ITSN2: variants seen among roughly 807,000 people sequenced by gnomAD.
The protein encoded by ITSN2 is intersectin-2.
ITSN2 carries 156 observed loss-of-function variants against 243.7 expected under a neutral mutation model. The ratio of observed to expected loss-of-function variants is 0.64; its 90% CI spans 0.56 to 0.73. The LOEUF (loss-of-function observed/expected upper bound fraction) is 0.73, where lower values mean the gene tolerates loss of function less well. Among genes scored for constraint, ITSN2 ranks in the 30% least tolerant of loss-of-function variants. The probability of loss-of-function intolerance (pLI) is 0.00; values close to 1 mark genes in which losing one functional copy is unlikely to be tolerated. For missense variants in ITSN2, 1,801 were observed against 1,996.1 expected (o/e 0.90, Z 1.86); for synonymous variants, 703 against 699.9 (o/e 1.00, Z -0.07).
In ITSN2 at chr2:24,249,037, A is replaced by C. The variant is rs1287544004; in HGVS notation, c.3121-155T>G. On this transcript the variant is annotated intron_variant, in intron 25 of 39. Transcript: ENST00000355123. This position sits in a 1 kb window ranked among gnomAD's most constrained non-coding sequence, Gnocchi z 4.4. ...AATGAACCTCATGCAGTATTAACAA[A>C]TAAGTGAAAAATCCAACACTTATGA... Among the ~76,000 whole-genome samples the C allele has an allele frequency of 6.6e-6, 1 of 152,230 alleles. No individual in the cohort carries two copies. Among genetic ancestry groups the C allele is most frequent in the African/African-American group, 2.4e-5 (1 of 41,470 alleles).
intron 36 of ITSN2, 122 bp downstream of exon 36, chr2:24,208,978 A>C: frequency 9.2e-7 from 1 of 1,089,626 alleles, no homozygotes; most frequent in Non-Finnish European, 1.3e-6. Flanking sequence ...GGATGTGTTA[A>C]GAGAGGTTCA....
chr2:24,287,242 T>C (rs888098457), intron 15 of ITSN2, among the ~76,000 whole-genome samples: 5 of 152,246 alleles, frequency 3.3e-5, no homozygotes, highest in Middle Eastern at 3.4e-3. Context: ...ACAGATCTAG[T>C]TCATTCTTTT....
chr2:24,219,909 G>C (rs1573896009), intron 30 of ITSN2, among the ~76,000 whole-genome samples: 1 of 152,358 alleles, frequency 6.6e-6, no homozygotes, highest in African/African-American at 2.4e-5. Flanking sequence ...ACTACTTATG[G>C]AAAGGCCGAC....
intron 20 of ITSN2, among the ~76,000 whole-genome samples, chr2:24,262,997 T>G (rs1273922024): frequency 6.6e-6 from 1 of 152,188 alleles, no homozygotes. Context: ...CTTCAGGCTT[T>G]TTTTCATTTC....
At chr2:24,293,620 G>A in intron 15 of ITSN2, 68 bp downstream of exon 15, 1 of 618,168 alleles carries the variant, frequency 1.6e-6, no homozygotes, top group Non-Finnish European at 2.9e-6. Context: ...TTTTAAAAAA[G>A]TAACAATGTG....
chr2:24,268,820 C>T (rs755759286), intron 20 of ITSN2, among the ~76,000 whole-genome samples: 1 of 151,734 alleles, frequency 6.6e-6, no homozygotes, highest in Non-Finnish European at 1.5e-5. Context: ...TCTCCTTCTC[C>T]CTTTCAAAGC....
intron 25 of ITSN2, among the ~76,000 whole-genome samples, chr2:24,251,325 T>TAAAAAA (rs1165033997): frequency 5.9e-4 from 2 of 3,394 alleles, no homozygotes; most frequent in Non-Finnish European, 1.2e-3. Flanking sequence ...AAAAAAAAAA[T>TAAAAAA]AAAATATATA....
At chr2:24,344,212 G>T (rs1398646979) in intron 1 of ITSN2, among the ~76,000 whole-genome samples, 2 of 152,108 alleles carry the variant, frequency 1.3e-5, no homozygotes, top group Non-Finnish European at 2.9e-5. Context: ...ATCTTCCACT[G>T]GTGGACATTA....
At chr2:24,297,167 A>T (rs951122801) in intron 13 of ITSN2, among the ~76,000 whole-genome samples, 1 of 152,226 alleles carries the variant, frequency 6.6e-6, no homozygotes, top group Non-Finnish European at 1.5e-5. Flanking sequence ...TATATTTCTG[A>T]CTAAAGATAT....
Position 24,330,268 on chromosome 2 carries a change from T to C in ITSN2, c.-33-2153A>G, listed in dbSNP as rs1429989357. On this transcript the variant is annotated intron_variant, in intron 1 of 39. Transcript: ENST00000355123. ...ACCATTTGTTCGTCATCACGTATTCTGTGAATACAAAAGAATGCCAAATAG... is the reference window on the plus strand; with the variant it reads ...ACCATTTGTTCGTCATCACGTATTCCGTGAATACAAAAGAATGCCAAATAG... 1.4e-5 allele frequency: 5 copies of C among 363,008 alleles called. No homozygotes were observed. The Admixed American group carries it at 1.5e-4, about 11-fold the overall frequency. The allele number at this position is 363,008 out of a possible 1,614,324, so 22.5% of individuals were successfully genotyped here.
At position 24,209,833 on chromosome 2, in the gene ITSN2, G is replaced by A. The variant is rs886912973; in HGVS notation, c.4458C>T (p.Phe1486=). Residue 1486 remains phenylalanine (F), a synonymous_variant, in exon 35 of 40, where the codon TTC becomes TTT. Transcript: ENST00000355123. ...KLFSSKSNAQ[F]KMYKTPIFLN... is the part of the protein sequence containing the mutation. ...TGATACTCACCGTTTTATACATTTTGAATTGAGCATTGGACTTCGAGCTGA... is the reference window on the plus strand; with the variant it reads ...TGATACTCACCGTTTTATACATTTTAAATTGAGCATTGGACTTCGAGCTGA... The A allele has an allele frequency of 2.5e-6, 4 of 1,613,706 alleles. No homozygotes were observed. The highest frequency in any genetic ancestry group is 1.3e-5 in the African/African-American group (1 of 74,922).
chr2:24,254,325 T>A, intron 24 of ITSN2, 42 bp downstream of exon 24: 1 of 1,330,918 alleles, frequency 7.5e-7, no homozygotes, highest in East Asian at 2.3e-5. Context: ...AGTCAAGAGC[T>A]AAATTGATTA....
intron 29 of ITSN2, among the ~76,000 whole-genome samples, chr2:24,236,726 G>A (rs10165774): frequency 1.4e-5 from 2 of 147,280 alleles, no homozygotes; most frequent in Non-Finnish European, 3.0e-5. Flanking sequence ...CTGGAGTGCA[G>A]TGGTGTGATC....
intron 5 of ITSN2, 114 bp from the exon 6 acceptor site, chr2:24,310,806 T>A (rs1227555307): frequency 2.5e-6 from 2 of 803,994 alleles, no homozygotes; most frequent in East Asian, 5.3e-5. Flanking sequence ...AACACACAGA[T>A]GAATTATCCT....
chr2:24,355,295 A>C (rs1352945700), intron 1 of ITSN2, among the ~76,000 whole-genome samples: 1 of 152,216 alleles, frequency 6.6e-6, no homozygotes, highest in African/African-American at 2.4e-5. Context: ...AATTATAAAC[A>C]TTCTTATTTT....
chr2:24,208,719 C>T (rs1361888619), intron 36 of ITSN2, among the ~76,000 whole-genome samples: 2 of 152,214 alleles, frequency 1.3e-5, no homozygotes, highest in Non-Finnish European at 2.9e-5. Flanking sequence ...CACAAGGGCG[C>T]CTGAGGGGCG....
At chr2:24,213,202 C>A (rs1669659624) in intron 32 of ITSN2, among the ~76,000 whole-genome samples, 3 of 152,164 alleles carry the variant, frequency 2.0e-5, no homozygotes, top group Non-Finnish European at 4.4e-5. Flanking sequence ...TCCAGGCTCT[C>A]CCCTGGGACA....
chr2:24,294,396 A>AG (rs1680673157), intron 14 of ITSN2, among the ~76,000 whole-genome samples: 1 of 152,240 alleles, frequency 6.6e-6, no homozygotes, highest in Non-Finnish European at 1.5e-5. Flanking sequence ...ACTGCACTCC[A>AG]GCCTGGGTGA....
chr2:24,261,454 TACA>T, intron 21 of ITSN2, 104 bp downstream of exon 21: 1 of 1,025,356 alleles, frequency 9.8e-7, no homozygotes, highest in Admixed American at 2.3e-5. Context: ...TCTTGAAGAG[TACA>T]ACCCGGATTA....
Sources: gnomAD v4.1 joint callset for allele counts (sites outside exome capture counted in the v4.1 genomes callset) on GRCh38, gnomAD v4.1.1 for gene constraint, Gnocchi (gnomAD v3.1) non-coding constraint, MANE v1.5 for transcripts, NCBI Gene and HGNC (gene_info 2026-07-23, HGNC 2026-07-21) for gene names.